The following RAB39B variants were observed in gnomAD, a reference collection of about 807,000 sequenced individuals.
RAB39B encodes the protein RAB39B, member RAS oncogene family, also known as ras-related protein Rab-39B.
For missense variants in RAB39B, 68 were observed against 171.3 expected, an observed-to-expected ratio of 0.40 and a Z score of 3.37; for synonymous variants, 63 against 67.5, an observed-to-expected ratio of 0.93 and a Z score of 0.33.
In RAB39B at chrX:155,260,667, C is replaced by A; in HGVS notation, c.*136G>T. Reference sequence around the variant, plus strand: ...CCCATCCACCCGCACACGAGTCTGTCAGAGTCCCCCTGAGAGGGAGGCTCA... The same window carrying A: ...CCCATCCACCCGCACACGAGTCTGTAAGAGTCCCCCTGAGAGGGAGGCTCA... On this transcript the variant is annotated 3_prime_UTR_variant, in exon 2 of 2. Transcript: ENST00000369454. 1.5e-6 allele frequency: 1 copy of A among 674,290 alleles called. No individual in the cohort carries two copies. The highest frequency in any genetic ancestry group is 2.4e-6 in the Non-Finnish European group (1 of 422,773). 55.6% of individuals were successfully genotyped at this position (674,290 alleles called of 1,213,427 possible).
intron 1 of RAB39B, among the ~76,000 whole-genome samples, chrX:155,262,267 G>A (rs1399390325): frequency 8.9e-6 from 1 of 111,905 alleles, no homozygotes; most frequent in Non-Finnish European, 1.9e-5. Flanking sequence ...TAGAGAAAAT[G>A]GCTCAATGTT....
At chrX:155,261,678 G>A (rs893563089) in intron 1 of RAB39B, among the ~76,000 whole-genome samples, 1 of 111,718 alleles carries the variant, frequency 9.0e-6, no homozygotes, top group Admixed American at 9.5e-5. Flanking sequence ...GTTCTGTGAC[G>A]TGGAGAGTTC....
intron 1 of RAB39B, among the ~76,000 whole-genome samples, chrX:155,261,837 T>TTTA (rs781787000): frequency 0.018 from 1,927 of 108,264 alleles, 16 homozygotes; most frequent in East Asian, 0.034. Context: ...ATTATTATTG[T>TTTA]TTATTATTAT....
Position 155,263,560 on chromosome X carries a change from A to G in RAB39B, c.215+514T>C, listed in dbSNP as rs12010883. Among the ~76,000 whole-genome samples, 705 of 112,658 alleles carry G rather than the reference A, an allele frequency of 6.3e-3. 9 individuals are homozygous for G. The highest frequency in any genetic ancestry group is 0.022 in the African/African-American group (670 of 31,042). ...ACACTGTTTTCCCAGGAACAAGCCCAGAGTCTGGCACATAGTAGATGATCA... is the reference window on the plus strand; with the variant it reads ...ACACTGTTTTCCCAGGAACAAGCCCGGAGTCTGGCACATAGTAGATGATCA... On this transcript the variant is annotated intron_variant, in intron 1 of 1. Transcript: ENST00000369454.
chrX:155,259,915 T>A lies in RAB39B; in HGVS notation c.*888A>T, dbSNP rs1175617217. ...TGTTTGTAAGGGTTACAGTGCCTCC[T>A]GTTCAGCAGGAGAGAGTGTTTGCCT... On this transcript the variant is annotated 3_prime_UTR_variant, in exon 2 of 2. Transcript: ENST00000369454. The A allele has an allele frequency of 8.9e-6, 1 of 111,964 alleles. No homozygotes were observed. The highest frequency in any genetic ancestry group is 9.4e-5 in the Admixed American group (1 of 10,585). The allele number at this position is 111,964 out of a possible 1,213,427, so 9.2% of individuals were successfully genotyped here.
chrX:155,262,091 A>G (rs781890569), intron 1 of RAB39B, among the ~76,000 whole-genome samples: 3 of 111,677 alleles, frequency 2.7e-5, no homozygotes, highest in Non-Finnish European at 5.6e-5. Context: ...ATAAATATAC[A>G]TTATGGCACT....
intron 1 of RAB39B, among the ~76,000 whole-genome samples, chrX:155,262,099 A>C (rs1316162613): frequency 1.8e-5 from 2 of 111,577 alleles, no homozygotes; most frequent in East Asian, 5.6e-4. Flanking sequence ...ACATTATGGC[A>C]CTTTGCTTAC....
chrX:155,264,326 G>A lies in RAB39B; in HGVS notation c.-38C>T. Reference sequence around the variant, plus strand: ...GCAGGTCTCCTTGGCCCGGACCGGGGACGGCGGGAGGGGGCGCCCCGCCGA... The same window carrying A: ...GCAGGTCTCCTTGGCCCGGACCGGGAACGGCGGGAGGGGGCGCCCCGCCGA... On this transcript the variant is annotated 5_prime_UTR_variant, in exon 1 of 2. Transcript: ENST00000369454. The A allele has an allele frequency of 2.6e-6, 3 of 1,160,578 alleles. No individual in the cohort carries two copies. The highest frequency in any genetic ancestry group is 3.5e-6 in the Non-Finnish European group (3 of 849,467).
At chrX:155,263,427 G>A (rs1257949286) in intron 1 of RAB39B, among the ~76,000 whole-genome samples, 13 of 112,367 alleles carry the variant, frequency 1.2e-4, no homozygotes, top group Non-Finnish European at 2.4e-4. Flanking sequence ...ACACACTTTC[G>A]TAATTGCTGA....
At position 155,264,055 on chromosome X, in the gene RAB39B, G is replaced by A. The variant is rs782601236; in HGVS notation, c.215+19C>T. 1.5e-5 allele frequency: 18 copies of A among 1,196,506 alleles called. No individual in the cohort carries two copies. Among genetic ancestry groups the A allele is most frequent in the Non-Finnish European group, 2.0e-5 (18 of 883,750 alleles). ...CCGAAGACCCTCCCACTGCTTGCGG[G>A]CCCGGACTGCGCTCCCACCTGAACC... On this transcript the variant is annotated intron_variant, in intron 1 of 1. Transcript: ENST00000369454.
chrX:155,260,510 T>G lies in RAB39B; in HGVS notation c.*293A>C, dbSNP rs2074849534. Reference sequence around the variant, plus strand: ...TATGTTTTCCTGGGACTTAGCTTCCTAAACCCCAGGCCTTTAACATGTGGT... The same window carrying G: ...TATGTTTTCCTGGGACTTAGCTTCCGAAACCCCAGGCCTTTAACATGTGGT... On this transcript the variant is annotated 3_prime_UTR_variant, in exon 2 of 2. Transcript: ENST00000369454. The G allele has an allele frequency of 2.8e-6, 1 of 353,132 alleles. No homozygotes were observed. Among genetic ancestry groups the G allele is most frequent in the East Asian group, 4.5e-5 (1 of 22,019 alleles). The allele number at this position is 353,132 out of a possible 1,213,427, so 29.1% of individuals were successfully genotyped here. A position where few individuals can be genotyped will look rare whatever the true frequency, so the allele number is the denominator to read the frequency against.
Position 155,260,408 on chromosome X carries a change from TCCCC to T in RAB39B, c.*391_*394del. The T allele has an allele frequency of 1.2e-5, 2 of 162,433 alleles. No individual in the cohort carries two copies. Among genetic ancestry groups the T allele is most frequent in the Non-Finnish European group, 2.4e-5 (2 of 83,233 alleles). The allele number at this position is 162,433 out of a possible 1,213,427, so 13.4% of individuals were successfully genotyped here. Reference sequence around the variant, plus strand: ...AATTGTCCCCATTGTGAAACTTTTTTCCCCTTTATGTATTTCTTTATGTTCATGG... The same window carrying T: ...AATTGTCCCCATTGTGAAACTTTTTTTTTATGTATTTCTTTATGTTCATGG... On this transcript the variant is annotated 3_prime_UTR_variant, in exon 2 of 2. Coordinates refer to ENST00000369454, the MANE Select transcript of RAB39B (RefSeq NM_171998.4).
Position 155,264,275 on chromosome X carries a change from C to A in RAB39B, c.14G>T (p.Trp5Leu). The A allele has an allele frequency of 8.3e-7, 1 of 1,211,655 alleles. No homozygotes were observed. Among genetic ancestry groups the A allele is most frequent in the Non-Finnish European group, 1.1e-6 (1 of 894,996 alleles). ...GACAATGAGCCGGAACTGGTACAGCCAGATGGCCTCCATGGCCGCGGCTCT... is the reference window on the plus strand; with the variant it reads ...GACAATGAGCCGGAACTGGTACAGCAAGATGGCCTCCATGGCCGCGGCTCT... MEAI[W>L]LYQFRLIVIG... The change falls in exon 1 of 2, where the codon TGG becomes TTG. Residue 5 changes from tryptophan to leucine, a missense_variant. Physicochemically the swap from Trp to Leu is moderately conservative, Grantham distance 61. Transcript: ENST00000369454.
rs1416529135 is a variant in RAB39B, at chrX:155,258,559, G to T, written c.*2244C>A. 5 of 112,495 alleles carry T rather than the reference G, an allele frequency of 4.4e-5. No homozygotes were observed. Among genetic ancestry groups the T allele is most frequent in the Non-Finnish European group, 9.4e-5 (5 of 53,318 alleles). The allele number at this position is 112,495 out of a possible 1,213,427, so 9.3% of individuals were successfully genotyped here. ...CAATGGTACTGAATTCTACTAAAAT[G>T]ATTTTTAAATTTTCTAGAACTTATT... On this transcript the variant is annotated 3_prime_UTR_variant, in exon 2 of 2. Transcript: ENST00000369454.
rs1335338514 is a variant in RAB39B at position 155,258,556 on chromosome X, AATG to A, written c.*2244_*2246del. 8.9e-6 allele frequency: 1 copy of A among 112,499 alleles called. No homozygotes were observed. The highest frequency in any genetic ancestry group is 1.9e-5 in the Non-Finnish European group (1 of 53,289). The allele number at this position is 112,499 out of a possible 1,213,427, so 9.3% of individuals were successfully genotyped here. On this transcript the variant is annotated 3_prime_UTR_variant, in exon 2 of 2. Coordinates refer to ENST00000369454, the MANE Select transcript of RAB39B (RefSeq NM_171998.4). ...TGACAATGGTACTGAATTCTACTAA[AATG>A]ATTTTTAAATTTTCTAGAACTTATT...
rs782185481 is a variant in RAB39B at position 155,263,272 on chromosome X, A to G, written c.215+802T>C. On this transcript the variant is annotated intron_variant, in intron 1 of 1. Transcript: ENST00000369454. ...GTGTTCATACATATAATTACAAATA[A>G]TACATGCTACAATAGAAAAGCAAAG... 3.6e-5 allele frequency among the ~76,000 whole-genome samples: 4 copies of G among 112,580 alleles called. No homozygotes were observed. The East Asian group carries it at 1.1e-3, about 31-fold the overall frequency.
rs1435411476 is a variant in RAB39B at position 155,258,723 on chromosome X, T to G, written c.*2080A>C. The G allele has an allele frequency of 8.9e-6, 1 of 112,535 alleles. No individual in the cohort carries two copies. Among genetic ancestry groups the G allele is most frequent in the Admixed American group, 9.4e-5 (1 of 10,648 alleles). 9.3% of individuals were successfully genotyped at this position (112,535 alleles called of 1,213,427 possible). ...TGTAGGGAAGTTTTGTTTCTTTCCT[T>G]TTTTGAACTGACAGAATCCAGTCGA... is the stretch of plus-strand genomic sequence containing the variant. On this transcript the variant is annotated 3_prime_UTR_variant, in exon 2 of 2. Transcript: ENST00000369454.
chrX:155,262,461 C>A (rs782125251), intron 1 of RAB39B, among the ~76,000 whole-genome samples: 27 of 112,267 alleles, frequency 2.4e-4, no homozygotes, highest in Non-Finnish European at 4.5e-4. Context: ...TAGACATGAA[C>A]AAACAAAGGT....
intron 1 of RAB39B, among the ~76,000 whole-genome samples, chrX:155,263,675 G>A (rs2074860194): frequency 8.9e-6 from 1 of 112,851 alleles, no homozygotes; most frequent in African/African-American, 3.2e-5. Context: ...ACACACAGAT[G>A]TGGAAATAAA....
Sources: gnomAD v4.1 joint callset for allele counts (sites outside exome capture counted in the v4.1 genomes callset) on GRCh38, gnomAD v4.1.1 for gene constraint, MANE v1.5 for transcripts, NCBI Gene and HGNC (gene_info 2026-07-23, HGNC 2026-07-21) for gene names.